Variants in CEP85L observed in about 807,000 individuals in gnomAD.
CEP85L encodes centrosomal protein 85L.
In CEP85L, 60 loss-of-function variants were observed where a neutral mutation model predicts 100.3. The ratio of observed to expected loss-of-function variants is 0.60; its 90% CI spans 0.49 to 0.74. The LOEUF (loss-of-function observed/expected upper bound fraction) is 0.74, where lower values mean the gene tolerates loss of function less well. CEP85L is among the 30% of genes least tolerant of loss of function. CEP85L has a pLI of 0.00. For synonymous variants in CEP85L, 319 were observed against 322.7 expected (o/e 0.99, Z 0.12); for missense variants, 973 against 936.2 (o/e 1.04, Z -0.51).
At chr6:118,678,648 C>A (rs1327236016) in intron 1 of CEP85L, among the ~76,000 whole-genome samples, 1 of 152,216 alleles carries the variant, frequency 6.6e-6, no homozygotes, top group Non-Finnish European at 1.5e-5. Flanking sequence ...ATCCTCAATG[C>A]TTGCAGCATT....
chr6:118,525,624 T>C (rs554120185), intron 3 of CEP85L, among the ~76,000 whole-genome samples: 27 of 152,296 alleles, frequency 1.8e-4, no homozygotes, highest in South Asian at 1.2e-3. Flanking sequence ...GACCAAAAGC[T>C]AGGAGAGAGG....
chr6:118,510,239 T>G (rs115583296), intron 5 of CEP85L, among the ~76,000 whole-genome samples: 1,831 of 147,186 alleles, frequency 0.012, 29 homozygotes, highest in African/African-American at 0.043. Flanking sequence ...GAATCAGACC[T>G]CATTGTAGAA....
In CEP85L at chr6:118,637,703, CAA is replaced by C. The variant is rs11388747; in HGVS notation, c.74-5094_74-5093del. On this transcript the variant is annotated intron_variant, in intron 1 of 12. Transcript: ENST00000368491. ...CCTGGGTAATAAAGCAAGACTGTCT[CAA>C]AAAAAAAAAAAAAAAAAAAAAGTTG... is the stretch of plus-strand genomic sequence containing the variant. Among the ~76,000 whole-genome samples the C allele has an allele frequency of 8.8e-5, 4 of 45,422 alleles. 1 individual carries two copies. The highest frequency in any genetic ancestry group is 7.6e-5 in the Non-Finnish European group (2 of 26,306). 29.8% of individuals were successfully genotyped at this position (45,422 alleles called of 152,430 possible). A position where few individuals can be genotyped will look rare whatever the true frequency, so the allele number is the denominator to read the frequency against.
At chr6:118,688,132 G>A (rs28710027) in intron 1 of CEP85L, among the ~76,000 whole-genome samples, 38,180 of 152,072 alleles carry the variant, frequency 0.25, 5,686 homozygotes, top group Non-Finnish European at 0.34. Flanking sequence ...AGCTCTGTGC[G>A]CAAGGACCCC....
Position 118,501,809 on chromosome 6 carries a change from T to TGAGAGA in CEP85L, c.1257+9483_1257+9488dup, listed in dbSNP as rs35783390. On this transcript the variant is annotated intron_variant, in intron 5 of 12. Transcript: ENST00000368491. ...AGTGGGGAGGATGGAGGCTGCTGGC[T>TGAGAGA]GAGAGAGAGAGAGAGAGAGAGAGGA... is the stretch of plus-strand genomic sequence containing the variant. The TGAGAGA allele has an allele frequency of 5.6e-5, 60 of 1,064,930 alleles. No homozygotes were observed. The Admixed American group carries it at 8.0e-4, about 14-fold the overall frequency. The allele number at this position is 1,064,930 out of a possible 1,614,324, so 66.0% of individuals were successfully genotyped here. A position where few individuals can be genotyped will look rare whatever the true frequency, so the allele number is the denominator to read the frequency against.
At position 118,537,992 on chromosome 6, in the gene CEP85L, TA is replaced by T. The variant is rs1320901761; in HGVS notation, c.1021-14073del. ...CAAAGCTCAGTAATGAAGATGAAAA[TA>T]ATACAAATAACATAAAATTTAAAGA... On this transcript the variant is annotated intron_variant, in intron 3 of 12. Transcript: ENST00000368491. The T allele has an allele frequency of 4.0e-6, 3 of 746,372 alleles. No homozygotes were observed. The Admixed American group carries it at 1.9e-4, about 47-fold the overall frequency. 46.2% of individuals were successfully genotyped at this position (746,372 alleles called of 1,614,324 possible).
At chr6:118,702,927 C>T (rs1229459205) in intron 1 of CEP85L, among the ~76,000 whole-genome samples, 2 of 143,710 alleles carry the variant, frequency 1.4e-5, no homozygotes. Flanking sequence ...ACCTGGGAGG[C>T]GGAGCTTGCA....
In CEP85L at chr6:118,533,614, A is replaced by G. The variant is rs529130163; in HGVS notation, c.1021-9694T>C. On this transcript the variant is annotated intron_variant, in intron 3 of 12. Coordinates refer to ENST00000368491, the MANE Select transcript of CEP85L (RefSeq NM_001042475.3). ...CCCAACTCATTTTATGAGTTCAACA[A>G]TGCTCTGATAACAAAACCAGACAAG... 3.3e-4 allele frequency among the ~76,000 whole-genome samples: 51 copies of G among 152,300 alleles called. No individual in the cohort carries two copies. The Middle Eastern group carries it at 0.014, about 41-fold the overall frequency.
chr6:118,485,514 G>T (rs1471461497), intron 6 of CEP85L, among the ~76,000 whole-genome samples: 1 of 152,104 alleles, frequency 6.6e-6, no homozygotes, highest in South Asian at 2.1e-4. Context: ...ATTATTTATT[G>T]GGGCTTTCTT....
chr6:118,532,833 T>C (rs1057106818), intron 3 of CEP85L, among the ~76,000 whole-genome samples: 5 of 152,260 alleles, frequency 3.3e-5, no homozygotes, highest in Non-Finnish European at 5.9e-5. Flanking sequence ...ATGTTATAAA[T>C]TGACAGTATT....
intron 5 of CEP85L, among the ~76,000 whole-genome samples, chr6:118,499,862 C>T (rs1582918701): frequency 6.6e-6 from 1 of 152,026 alleles, no homozygotes; most frequent in East Asian, 1.9e-4. Context: ...TGCTTTTCAA[C>T]ATCATACTGG....
upstream of CEP85L, chr6:118,652,575 G>A (rs1775630312): frequency 6.9e-7 from 1 of 1,459,122 alleles, no homozygotes; most frequent in Non-Finnish European, 9.0e-7. Context: ...CGCTTTTCCT[G>A]TTCTGGAATC....
At position 118,565,956 on chromosome 6, in the gene CEP85L, G is replaced by T. The variant is rs1458039464; in HGVS notation, c.593C>A (p.Thr198Lys). 1.9e-6 allele frequency: 3 copies of T among 1,613,982 alleles called. No individual in the cohort carries two copies. In the African/African-American group the frequency reaches 4.0e-5, roughly 22 times the overall value. ...KAKALTSQLR[T>K]IGPSCLHDSM... is the part of the protein sequence containing the mutation. ...ATCATGTAAACAGCTAGGCCCAATTGTCCTCAGTTGTGATGTTAAAGCCTT... is the reference window on the plus strand; with the variant it reads ...ATCATGTAAACAGCTAGGCCCAATTTTCCTCAGTTGTGATGTTAAAGCCTT... The change falls in exon 3 of 13, where the codon ACA (threonine) becomes AAA (lysine). Residue 198 changes from threonine to lysine, a missense_variant. Coordinates refer to ENST00000368491, the MANE Select transcript of CEP85L (RefSeq NM_001042475.3).
intron 3 of CEP85L, among the ~76,000 whole-genome samples, chr6:118,551,611 T>A (rs910290788): frequency 6.6e-6 from 1 of 151,956 alleles, no homozygotes; most frequent in African/African-American, 2.4e-5. Flanking sequence ...GAGAGAAAAA[T>A]ATCTCTGTGC....
At chr6:118,549,955 A>G (rs559007479) in intron 3 of CEP85L, among the ~76,000 whole-genome samples, 2 of 152,002 alleles carry the variant, frequency 1.3e-5, no homozygotes, top group African/African-American at 4.8e-5. Flanking sequence ...AGTACCATAC[A>G]TTGTGTCCCA....
upstream of CEP85L, chr6:118,651,862 C>T (rs74967348): frequency 0.022 from 21,973 of 985,540 alleles, 313 homozygotes; most frequent in African/African-American, 0.058. Context: ...GATACTCGCC[C>T]CTCCCTTGGG....
intron 1 of CEP85L, among the ~76,000 whole-genome samples, chr6:118,663,873 T>C (rs80244748): frequency 1.3e-5 from 2 of 152,010 alleles, no homozygotes; most frequent in Admixed American, 1.3e-4. Context: ...ATAGCTGTTA[T>C]GTTGTTTTTT....
At chr6:118,501,353 G>A in intron 5 of CEP85L, 1 of 359,698 alleles carries the variant, frequency 2.8e-6, no homozygotes, top group Non-Finnish European at 5.3e-6. Context: ...GCCAATGCAG[G>A]GGGTTAGCAT....
intron 2 of CEP85L, among the ~76,000 whole-genome samples, chr6:118,631,189 T>C (rs1359684311): frequency 1.3e-5 from 2 of 152,180 alleles, no homozygotes; most frequent in East Asian, 1.9e-4. Flanking sequence ...AGGAAATCTC[T>C]GTACCTCCCA....
Sources: gnomAD v4.1 joint callset for allele counts (sites outside exome capture counted in the v4.1 genomes callset) on GRCh38, gnomAD v4.1.1 for gene constraint, MANE v1.5 for transcripts, NCBI Gene and HGNC (gene_info 2026-07-23, HGNC 2026-07-21) for gene names.